The following ACACA variants were observed in gnomAD, a reference collection of about 807,000 sequenced individuals.
The protein encoded by ACACA is acetyl-CoA carboxylase 1.
In ACACA, 103 loss-of-function variants were observed where a neutral mutation model predicts 296.1. The ratio of observed to expected loss-of-function variants is 0.35; its 90% CI spans 0.30 to 0.41. ACACA has a LOEUF of 0.41. Among genes scored for constraint, ACACA ranks in the 10% least tolerant of loss-of-function variants. The pLI, the probability that ACACA is intolerant of heterozygous loss-of-function variation, is 1.00. For synonymous variants in ACACA, 953 were observed against 1,038.6 expected, an observed-to-expected ratio of 0.92 and a Z score of 1.58; for missense variants, 1,554 against 2,989.7, an observed-to-expected ratio of 0.52 and a Z score of 11.20.
chr17:37,326,182 C>A (rs2047611311), intron 3 of ACACA, among the ~76,000 whole-genome samples: 1 of 139,974 alleles, frequency 7.1e-6, no homozygotes, highest in Non-Finnish European at 1.5e-5. Context: ...GTAATTCAGC[C>A]TGGGTGAAAG....
chr17:37,315,370 C>G (rs1221088274), intron 3 of ACACA, among the ~76,000 whole-genome samples: 1 of 152,180 alleles, frequency 6.6e-6, no homozygotes, highest in Non-Finnish European at 1.5e-5. Flanking sequence ...CACTTTGACA[C>G]CGAATGTACA....
chr17:37,139,955 GTTTC>G (rs1253128194), intron 45 of ACACA, among the ~76,000 whole-genome samples: 2 of 152,178 alleles, frequency 1.3e-5, no homozygotes, highest in Non-Finnish European at 2.9e-5. Context: ...AAAACTGGGA[GTTTC>G]TTTGTTAAAT....
intron 1 of ACACA, among the ~76,000 whole-genome samples, chr17:37,363,179 CTTTTTTTTT>C (rs902746004): frequency 1.1e-3 from 80 of 72,850 alleles, no homozygotes; most frequent in African/African-American, 5.0e-3. Flanking sequence ...TTCTCTTTTT[CTTTTTTTTT>C]TTTTTTTTTT....
intron 1 of ACACA, among the ~76,000 whole-genome samples, chr17:37,390,314 A>ATC (rs2050799808): frequency 5.2e-5 from 2 of 38,708 alleles, no homozygotes; most frequent in Non-Finnish European, 7.9e-5. Flanking sequence ...TTATATATAT[A>ATC]TATATATATA....
At chr17:37,330,737 A>G (rs532904898) in intron 2 of ACACA, among the ~76,000 whole-genome samples, 1 of 152,276 alleles carries the variant, frequency 6.6e-6, no homozygotes, top group South Asian at 2.1e-4. Context: ...ATCAATGGGG[A>G]AACCTTTGCA....
chr17:37,406,338 CAA>C lies in ACACA; in HGVS notation c.-41_-40del. The C allele has an allele frequency of 6.2e-7, 1 of 1,610,912 alleles. No individual in the cohort carries two copies. The highest frequency in any genetic ancestry group is 8.5e-7 in the Non-Finnish European group (1 of 1,177,138). Reference sequence around the variant, plus strand: ...CGCCTCAATTTGGGCCTCTGAAGCCCAAAGAGGGGATGGTTCTTTCCAAAGAA... The same window carrying C: ...CGCCTCAATTTGGGCCTCTGAAGCCCAGAGGGGATGGTTCTTTCCAAAGAA... On this transcript the variant is annotated 5_prime_UTR_variant, in exon 1 of 56. An upstream open reading frame in the 5' UTR gains an earlier in-frame stop. Transcript: ENST00000616317.
intron 44 of ACACA, among the ~76,000 whole-genome samples, chr17:37,150,771 G>A (rs2076005575): frequency 6.6e-6 from 1 of 151,690 alleles, no homozygotes; most frequent in South Asian, 2.1e-4. Context: ...AAGGAAAGAG[G>A]GGCCAGGTGT....
At chr17:37,100,153 G>A (rs2073274699) in intron 52 of ACACA, among the ~76,000 whole-genome samples, 1 of 152,100 alleles carries the variant, frequency 6.6e-6, no homozygotes, top group African/African-American at 2.4e-5. Context: ...AAAAATCACC[G>A]TTTTACAAGC....
At chr17:37,343,247 G>A (rs1372715712) in intron 1 of ACACA, among the ~76,000 whole-genome samples, 1 of 151,914 alleles carries the variant, frequency 6.6e-6, no homozygotes, top group Non-Finnish European at 1.5e-5. Flanking sequence ...CAAAGTGCTG[G>A]GATTACAGGC....
chr17:37,340,854 C>T (rs2048346576), intron 1 of ACACA, among the ~76,000 whole-genome samples: 1 of 152,158 alleles, frequency 6.6e-6, no homozygotes, highest in Non-Finnish European at 1.5e-5. Context: ...TTGAAGGTCA[C>T]TTAACGTCTC....
chr17:37,264,674 T>G (rs1312911532), intron 10 of ACACA, among the ~76,000 whole-genome samples: 1 of 152,170 alleles, frequency 6.6e-6, no homozygotes. Context: ...TGGCTTCTGC[T>G]TCATCATTTC....
intron 12 of ACACA, among the ~76,000 whole-genome samples, 158 bp downstream of exon 12, chr17:37,259,202 C>T (rs930884257): frequency 1.4e-4 from 21 of 152,122 alleles, no homozygotes; most frequent in African/African-American, 4.6e-4. Flanking sequence ...TCAGGAAAAC[C>T]AAACCACACA....
chr17:37,198,473 A>T (rs1334862802), intron 35 of ACACA, among the ~76,000 whole-genome samples: 1 of 152,214 alleles, frequency 6.6e-6, no homozygotes. Context: ...CTTAGTTCTG[A>T]TCAGCATCTA....
intron 27 of ACACA, among the ~76,000 whole-genome samples, chr17:37,223,972 C>T (rs1428131328): frequency 6.6e-6 from 1 of 152,186 alleles, no homozygotes; most frequent in African/African-American, 2.4e-5. Context: ...GAGGCCAAGG[C>T]GGGCAGATCA....
At chr17:37,306,304 CTT>C (rs2083885061) in intron 3 of ACACA, among the ~76,000 whole-genome samples, 1 of 152,100 alleles carries the variant, frequency 6.6e-6, no homozygotes, top group Non-Finnish European at 1.5e-5. Flanking sequence ...GTTTGTCAAT[CTT>C]CATAATTGGT....
chr17:37,365,877 G>T, intron 1 of ACACA: 1 of 274,930 alleles, frequency 3.6e-6, no homozygotes, highest in Non-Finnish European at 5.5e-6. Context: ...TTATCCAATG[G>T]CAAACACTTC....
chr17:37,098,788 T>G (rs2073148638), intron 52 of ACACA, among the ~76,000 whole-genome samples: 1 of 152,194 alleles, frequency 6.6e-6, no homozygotes, highest in Admixed American at 6.5e-5. Context: ...GTACCCTGAC[T>G]CAACAGACAG....
chr17:37,164,289 AG>A (rs1259044979), intron 41 of ACACA, among the ~76,000 whole-genome samples: 1 of 152,180 alleles, frequency 6.6e-6, no homozygotes, highest in Non-Finnish European at 1.5e-5. Flanking sequence ...TGCATCACCC[AG>A]ACTCAACCAG....
rs1435315385 is a variant in ACACA at position 37,379,424 on chromosome 17, G to T, written c.38+26838C>A. 7 of 1,590,258 alleles carry T rather than the reference G, an allele frequency of 4.4e-6. No homozygotes were observed. The Middle Eastern group carries it at 5.0e-4, about 114-fold the overall frequency. ...GGAAGGGGGCAGGCACTAACTTTTA[G>T]TTGACATCCTTGAAGGCAGCCAGAA... On this transcript the variant is annotated intron_variant, in intron 1 of 55. Coordinates refer to ENST00000616317, the MANE Select transcript of ACACA (RefSeq NM_198834.3).
Sources: gnomAD v4.1 joint callset for allele counts (sites outside exome capture counted in the v4.1 genomes callset) on GRCh38, gnomAD v4.1.1 for gene constraint, MANE v1.5 for transcripts, NCBI Gene and HGNC (gene_info 2026-07-23, HGNC 2026-07-21) for gene names.